INSM2: variants seen among roughly 807,000 people sequenced by gnomAD.
The protein encoded by INSM2 is INSM transcriptional repressor 2.
Under a neutral mutation model 30.5 loss-of-function variants are expected in INSM2, and 12 were observed. The ratio of observed to expected loss-of-function variants is 0.39; its 90% confidence interval spans 0.25 to 0.64. The LOEUF (loss-of-function observed/expected upper bound fraction) is 0.64. INSM2 is among the 30% of genes least tolerant of loss of function. The pLI, the probability that INSM2 is intolerant of heterozygous loss-of-function variation, is 0.47. For synonymous variants in INSM2, 418 were observed against 383.7 expected, an observed-to-expected ratio of 1.09 and a Z score of -1.05; for missense variants, 773 against 819.2, an observed-to-expected ratio of 0.94 and a Z score of 0.69.
In INSM2 at chr14:35,534,603, C is replaced by T. The variant is rs1405983030; in HGVS notation, c.351C>T (p.Gly117=). ...SPSPSPAKPA[G]AELRRAFLER... Reference sequence around the variant, plus strand: ...GCCCCAGTCCAGCGAAGCCGGCAGGCGCAGAGCTGCGTCGGGCGTTCCTGG... The same window carrying T: ...GCCCCAGTCCAGCGAAGCCGGCAGGTGCAGAGCTGCGTCGGGCGTTCCTGG... The change falls in exon 1 of 1, where the codon GGC becomes GGT. Residue 117 remains glycine, a synonymous_variant. Transcript: ENST00000307169. 2.1e-6 allele frequency: 3 copies of T among 1,446,074 alleles called. No homozygotes were observed. The highest frequency in any genetic ancestry group is 2.9e-5 in the East Asian group (1 of 34,092). 89.6% of individuals were successfully genotyped at this position (1,446,074 alleles called of 1,614,324 possible). A position where few individuals can be genotyped will look rare whatever the true frequency, so the allele number is the denominator to read the frequency against.
Position 35,536,349 on chromosome 14 carries a change from G to GT in INSM2, c.*404dup, listed in dbSNP as rs563242906. ...TTCTGGCTACCCTTTGGTAGCCAATGTTTTTTTTGTCTTGTCATCACAGGC... is the reference window on the plus strand; with the variant it reads ...TTCTGGCTACCCTTTGGTAGCCAATGTTTTTTTTTGTCTTGTCATCACAGGC... On this transcript the variant is annotated 3_prime_UTR_variant, in exon 1 of 1. Transcript: ENST00000307169. 254 of 184,356 alleles carry GT rather than the reference G, an allele frequency of 1.4e-3. No homozygotes were observed. Among genetic ancestry groups the GT allele is most frequent in the African/African-American group, 4.8e-3 (203 of 42,010 alleles). 11.4% of individuals were successfully genotyped at this position (184,356 alleles called of 1,614,324 possible).
rs1467034719 is a variant in INSM2, at chr14:35,536,137, T to C, written c.*184T>C. 1.5e-6 allele frequency: 1 copy of C among 666,366 alleles called. No homozygotes were observed. The highest frequency in any genetic ancestry group is 3.1e-5 in the Admixed American group (1 of 32,020). 41.3% of individuals were successfully genotyped at this position (666,366 alleles called of 1,614,324 possible). ...GACAGTGAAATGTAATATCCCTCTC[T>C]AGAGCAGGTATGTATATGGTATAAA... On this transcript the variant is annotated 3_prime_UTR_variant, in exon 1 of 1. Transcript: ENST00000307169.
Position 35,535,201 on chromosome 14 carries a change from C to G in INSM2, c.949C>G (p.Pro317Ala), listed in dbSNP as rs761203464. 6.2e-7 allele frequency: 1 copy of G among 1,613,160 alleles called. No individual in the cohort carries two copies. The highest frequency in any genetic ancestry group is 1.7e-5 in the Admixed American group (1 of 60,032). ...ASHRRWHKPR[P>A]AAANAATVSS... ...CCATCGCCGCTGGCATAAGCCGCGT[C>G]CTGCGGCTGCAAACGCCGCCACAGT... Residue 317 changes from proline to alanine, a missense_variant, in exon 1 of 1, where the codon CCT becomes GCT. By Grantham distance (27) the Pro-to-Ala change is conservative. Coordinates refer to ENST00000307169, the MANE Select transcript of INSM2 (RefSeq NM_032594.4).
At position 35,536,925 on chromosome 14, in the gene INSM2, A is replaced by G. The variant is rs2053607266; in HGVS notation, c.*972A>G. Reference sequence around the variant, plus strand: ...GCGGCAACTTGTTTTTGATTTTTTTAAAAAACCATTTCAGTGTACATTGTG... The same window carrying G: ...GCGGCAACTTGTTTTTGATTTTTTTGAAAAACCATTTCAGTGTACATTGTG... On this transcript the variant is annotated 3_prime_UTR_variant, in exon 1 of 1. Coordinates refer to ENST00000307169, the MANE Select transcript of INSM2 (RefSeq NM_032594.4). The G allele has an allele frequency of 6.0e-6, 1 of 167,012 alleles. No homozygotes were observed. The highest frequency in any genetic ancestry group is 1.5e-5 in the Non-Finnish European group (1 of 68,100). 10.3% of individuals were successfully genotyped at this position (167,012 alleles called of 1,614,324 possible).
chr14:35,535,009 T>C lies in INSM2; in HGVS notation c.757T>C (p.Leu253=), dbSNP rs775612316. The C allele has an allele frequency of 6.4e-7, 1 of 1,573,210 alleles. No homozygotes were observed. Among genetic ancestry groups the C allele is most frequent in the Non-Finnish European group, 8.6e-7 (1 of 1,160,454 alleles). Residue 253 remains leucine, a synonymous_variant, in exon 1 of 1, where the codon TTG becomes CTG. Transcript: ENST00000307169. ...GGAGCCCGGAGCGCCGTCCCGGGGC[T>C]TGGGGGGCAGCCGCACGCCACTGGG... ...EEEPGAPSRG[L]GGSRTPLGEF...
At position 35,534,561 on chromosome 14, in the gene INSM2, G is replaced by GCCCAGC. The variant is rs769123084; in HGVS notation, c.327_332dup (p.Ser111_Pro112dup). The GCCCAGC allele has an allele frequency of 5.6e-5, 79 of 1,401,452 alleles. No individual in the cohort carries two copies. Among genetic ancestry groups the GCCCAGC allele is most frequent in the Middle Eastern group, 2.5e-4 (1 of 4,000 alleles). The allele number at this position is 1,401,452 out of a possible 1,614,324, so 86.8% of individuals were successfully genotyped here. On this transcript the variant is annotated inframe_insertion, in exon 1 of 1. Transcript: ENST00000307169. ...GGGCGGGTGGCAGGGAAGGTCCCGGGCCCAGCCCCAGCCCCAGCCCCAGTC... is the reference window on the plus strand; with the variant it reads ...GGGCGGGTGGCAGGGAAGGTCCCGGGCCCAGCCCCAGCCCCAGCCCCAGCCCCAGTC...
At position 35,534,516 on chromosome 14, in the gene INSM2, G is replaced by T; in HGVS notation, c.264G>T (p.Gly88=). Residue 88 remains glycine, a synonymous_variant, in exon 1 of 1, where the codon GGG becomes GGT. Coordinates refer to ENST00000307169, the MANE Select transcript of INSM2 (RefSeq NM_032594.4). ...RAAGVSPGTG[G]REGAEWRAGG... is the part of the protein sequence containing the mutation. ...CTGGGGTGAGCCCGGGGACGGGCGG[G>T]CGGGAAGGCGCGGAGTGGCGGGCGG... The T allele has an allele frequency of 1.4e-6, 2 of 1,407,388 alleles. No homozygotes were observed. Among genetic ancestry groups the T allele is most frequent in the Non-Finnish European group, 1.8e-6 (2 of 1,088,710 alleles). 87.2% of individuals were successfully genotyped at this position (1,407,388 alleles called of 1,614,324 possible).
chr14:35,534,485 G>T lies in INSM2; in HGVS notation c.233G>T (p.Arg78Leu). The T allele has an allele frequency of 1.4e-6, 2 of 1,435,838 alleles. No homozygotes were observed. The highest frequency in any genetic ancestry group is 2.9e-5 in the East Asian group (1 of 35,082). The allele number at this position is 1,435,838 out of a possible 1,614,324, so 88.9% of individuals were successfully genotyped here. Reference sequence around the variant, plus strand: ...CGGGAACAGTCGGGGTCGCCATGTCGGGCGGCTGGGGTGAGCCCGGGGACG... The same window carrying T: ...CGGGAACAGTCGGGGTCGCCATGTCTGGCGGCTGGGGTGAGCCCGGGGACG... The part of the protein sequence containing the change: ...AAREQSGSPC[R>L]AAGVSPGTGG... The change falls in exon 1 of 1, where the codon CGG becomes CTG. Residue 78 changes from arginine to leucine, a missense_variant. By Grantham distance (102) the Arg-to-Leu change is moderately radical. Coordinates refer to ENST00000307169, the MANE Select transcript of INSM2 (RefSeq NM_032594.4).
chr14:35,534,848 G>A lies in INSM2; in HGVS notation c.596G>A (p.Arg199His), dbSNP rs753904196. The A allele has an allele frequency of 3.3e-6, 5 of 1,535,476 alleles. No homozygotes were observed. The East Asian group carries it at 1.0e-4, about 31-fold the overall frequency. The stretch of plus-strand genomic sequence containing the variant: ...CTGAAGCGGGCGGCCGGCGGCGAGC[G>A]CCGCGGCAAGGCACCCACGGACTGC... ...QSLKRAAGGERRGKAPTDCAS... is the reference protein window; with the variant it reads ...QSLKRAAGGEHRGKAPTDCAS... Residue 199 changes from arginine (R) to histidine (H), a missense_variant, in exon 1 of 1, where the codon CGC becomes CAC. Arg to His is a conservative substitution (Grantham distance 29). Transcript: ENST00000307169.
Position 35,534,424 on chromosome 14 carries a change from G to A in INSM2, c.172G>A (p.Glu58Lys), listed in dbSNP as rs771585438. 6.7e-7 allele frequency: 1 copy of A among 1,496,414 alleles called. No homozygotes were observed. Among genetic ancestry groups the A allele is most frequent in the African/African-American group, 1.5e-5 (1 of 67,768 alleles). The allele number at this position is 1,496,414 out of a possible 1,614,324, so 92.7% of individuals were successfully genotyped here. A position where few individuals can be genotyped will look rare whatever the true frequency, so the allele number is the denominator to read the frequency against. ...GAERATPPTR[E>K]EPGKGLTAEA... ...GGAGCGGGCGACACCCCCCACCCGA[G>A]AGGAACCAGGAAAGGGGTTGACGGC... The change falls in exon 1 of 1, where the codon GAG (glutamate) becomes AAG (lysine). Residue 58 changes from glutamate (E) to lysine (K), a missense_variant. Glu to Lys is a moderately conservative substitution (Grantham distance 56, BLOSUM62 1). Transcript: ENST00000307169.
rs967734668 is a variant in INSM2 at position 35,534,692 on chromosome 14, C to T, written c.440C>T (p.Ala147Val). 3.6e-6 allele frequency: 5 copies of T among 1,401,042 alleles called. No individual in the cohort carries two copies. The African/African-American group carries it at 7.6e-5, about 21-fold the overall frequency. 86.8% of individuals were successfully genotyped at this position (1,401,042 alleles called of 1,614,324 possible). ...SFPGGAAAVAAFSCSVAPAAA... is the reference protein window; with the variant it reads ...SFPGGAAAVAVFSCSVAPAAA... ...CCCGGGGGCGCCGCCGCCGTGGCCG[C>T]TTTCTCCTGCTCCGTGGCGCCAGCA... The change falls in exon 1 of 1, where the codon GCT becomes GTT. Residue 147 changes from alanine (A) to valine (V), a missense_variant. Transcript: ENST00000307169.
In INSM2 at chr14:35,534,797, C is replaced by T; in HGVS notation, c.545C>T (p.Ala182Val). The change falls in exon 1 of 1, where the codon GCG (alanine) becomes GTG (valine). Residue 182 changes from alanine (A) to valine (V), a missense_variant. Physicochemically the swap from Ala to Val is moderately conservative, Grantham distance 64. Transcript: ENST00000307169. Reference sequence around the variant, plus strand: ...GAGCCCGCGCTTCAGCCGGACCCTGCGCCCCTCTCGGCCGCCCTTCAGAGT... The same window carrying T: ...GAGCCCGCGCTTCAGCCGGACCCTGTGCCCCTCTCGGCCGCCCTTCAGAGT... ...FPEPALQPDPAPLSAALQSLK... is the reference protein window; with the variant it reads ...FPEPALQPDPVPLSAALQSLK... The T allele has an allele frequency of 6.9e-7, 1 of 1,457,574 alleles. No homozygotes were observed. The highest frequency in any genetic ancestry group is 9.0e-7 in the Non-Finnish European group (1 of 1,110,214). 90.3% of individuals were successfully genotyped at this position (1,457,574 alleles called of 1,614,324 possible).
At position 35,535,695 on chromosome 14, in the gene INSM2, A is replaced by C. The variant is rs758768376; in HGVS notation, c.1443A>C (p.Thr481=). Residue 481 remains threonine, a synonymous_variant, in exon 1 of 1, where the codon ACA becomes ACC. Transcript: ENST00000307169. Reference sequence around the variant, plus strand: ...CATTGTGCGGAGCGCACTTCCCTACAGCAGATATCAGGGAGAAGCACCGGC... The same window carrying C: ...CATTGTGCGGAGCGCACTTCCCTACCGCAGATATCAGGGAGAAGCACCGGC... ...ACPLCGAHFP[T]ADIREKHRLW... 6.2e-7 allele frequency: 1 copy of C among 1,613,260 alleles called. No homozygotes were observed. The highest frequency in any genetic ancestry group is 1.7e-5 in the Admixed American group (1 of 60,036).
At position 35,534,895 on chromosome 14, in the gene INSM2, G is replaced by A. The variant is rs1356505356; in HGVS notation, c.643G>A (p.Gly215Arg). 51 of 1,590,912 alleles carry A rather than the reference G, an allele frequency of 3.2e-5. No homozygotes were observed. Among genetic ancestry groups the A allele is most frequent in the Non-Finnish European group, 4.0e-5 (47 of 1,172,034 alleles). The stretch of plus-strand genomic sequence containing the variant: ...CTGCGCGTCTGGACCCGCGGCCGCG[G>A]GAATCAAGAAGCCAAAGGCCATGAG... ...TDCASGPAAA[G>R]IKKPKAMRKL... Residue 215 changes from glycine (G) to arginine (R), a missense_variant, in exon 1 of 1, where the codon GGA (glycine) becomes AGA (arginine). Physicochemically the swap from Gly to Arg is moderately radical, Grantham distance 125. Coordinates refer to ENST00000307169, the MANE Select transcript of INSM2 (RefSeq NM_032594.4).
Position 35,534,762 on chromosome 14 carries a change from G to A in INSM2, c.510G>A (p.Ala170=). 7 of 1,407,710 alleles carry A rather than the reference G, an allele frequency of 5.0e-6. No homozygotes were observed. Among genetic ancestry groups the A allele is most frequent in the East Asian group, 5.9e-5 (2 of 33,704 alleles). 87.2% of individuals were successfully genotyped at this position (1,407,710 alleles called of 1,614,324 possible). The change falls in exon 1 of 1, where the codon GCG becomes GCA. Residue 170 remains alanine, a synonymous_variant. Transcript: ENST00000307169. ...PGEQFLLPLR[A]PFPEPALQPD... ...AGCAGTTTCTGCTGCCGCTTCGGGC[G>A]CCGTTCCCAGAGCCCGCGCTTCAGC...
chr14:35,536,310 A>G lies in INSM2; in HGVS notation c.*357A>G. 4.7e-6 allele frequency: 1 copy of G among 214,268 alleles called. No individual in the cohort carries two copies. Among genetic ancestry groups the G allele is most frequent in the Non-Finnish European group, 1.0e-5 (1 of 100,358 alleles). The allele number at this position is 214,268 out of a possible 1,614,324, so 13.3% of individuals were successfully genotyped here. A position where few individuals can be genotyped will look rare whatever the true frequency, so the allele number is the denominator to read the frequency against. ...TCGCGGTGAATGCGTGCATGTCTCAATGTCCACAAAGGATTCTGGCTACCC... is the reference window on the plus strand; with the variant it reads ...TCGCGGTGAATGCGTGCATGTCTCAGTGTCCACAAAGGATTCTGGCTACCC... On this transcript the variant is annotated 3_prime_UTR_variant, in exon 1 of 1. Coordinates refer to ENST00000307169, the MANE Select transcript of INSM2 (RefSeq NM_032594.4).
chr14:35,534,559 G>A lies in INSM2; in HGVS notation c.307G>A (p.Gly103Arg), dbSNP rs367844606. 14 of 1,400,086 alleles carry A rather than the reference G, an allele frequency of 1.0e-5. No individual in the cohort carries two copies. Among genetic ancestry groups the A allele is most frequent in the East Asian group, 9.0e-5 (3 of 33,306 alleles). The allele number at this position is 1,400,086 out of a possible 1,614,324, so 86.7% of individuals were successfully genotyped here. A position where few individuals can be genotyped will look rare whatever the true frequency, so the allele number is the denominator to read the frequency against. ...GCGGGCGGGTGGCAGGGAAGGTCCC[G>A]GGCCCAGCCCCAGCCCCAGCCCCAG... The part of the protein sequence containing the change: ...EWRAGGREGP[G>R]PSPSPSPSPA... The change falls in exon 1 of 1, where the codon GGG (glycine) becomes AGG (arginine). Residue 103 changes from glycine (G) to arginine (R), a missense_variant. Coordinates refer to ENST00000307169, the MANE Select transcript of INSM2 (RefSeq NM_032594.4).
At position 35,535,127 on chromosome 14, in the gene INSM2, G is replaced by A; in HGVS notation, c.875G>A (p.Arg292His). Residue 292 changes from arginine (R) to histidine (H), a missense_variant, in exon 1 of 1, where the codon CGC becomes CAC. Arg to His is a conservative substitution (Grantham distance 29, BLOSUM62 0). Transcript: ENST00000307169. ...TCCCGCATCGTGCGCGTAGAGTACC[G>A]CTGCCCTGAGTGCGACAAGGTGTTC... ...RCSRIVRVEY[R>H]CPECDKVFSC... 1 of 1,609,268 alleles carries A rather than the reference G, an allele frequency of 6.2e-7. No homozygotes were observed. Among genetic ancestry groups the A allele is most frequent in the Non-Finnish European group, 8.5e-7 (1 of 1,177,844 alleles).
In INSM2 at chr14:35,535,233, C is replaced by G; in HGVS notation, c.981C>G (p.Ser327=). Reference sequence around the variant, plus strand: ...CTGCAAACGCCGCCACAGTCTCCTCCGCCGACGGGAAGCCGCCTTCTTCGT... The same window carrying G: ...CTGCAAACGCCGCCACAGTCTCCTCGGCCGACGGGAAGCCGCCTTCTTCGT... ...PAAANAATVS[S]ADGKPPSSSS... The change falls in exon 1 of 1, where the codon TCC becomes TCG. Residue 327 remains serine, a synonymous_variant. Coordinates refer to ENST00000307169, the MANE Select transcript of INSM2 (RefSeq NM_032594.4). The G allele has an allele frequency of 6.2e-7, 1 of 1,613,520 alleles. No individual in the cohort carries two copies. The highest frequency in any genetic ancestry group is 8.5e-7 in the Non-Finnish European group (1 of 1,179,956).
Sources: gnomAD v4.1 joint callset for allele counts on GRCh38, gnomAD v4.1.1 for gene constraint, MANE v1.5 for transcripts, NCBI Gene and HGNC (gene_info 2026-07-23, HGNC 2026-07-21) for gene names.